The following IFT81 variants were observed in gnomAD, a reference collection of about 807,000 sequenced individuals.
IFT81 encodes the protein intraflagellar transport 81, also known as intraflagellar transport protein 81 homolog.
Under a neutral mutation model 102.6 loss-of-function variants are expected in IFT81, and 72 were observed. The ratio of observed to expected loss-of-function variants is 0.70; its 90% CI spans 0.58 to 0.85. The LOEUF is 0.85. IFT81 is among the 40% of genes least tolerant of loss of function. The probability of loss-of-function intolerance (pLI) is 0.00; values close to 1 mark genes in which losing one functional copy is unlikely to be tolerated. For synonymous variants in IFT81, 237 were observed against 242.7 expected, an observed-to-expected ratio of 0.98 and a Z score of 0.22; for missense variants, 723 against 787.3, an observed-to-expected ratio of 0.92 and a Z score of 0.98.
In IFT81 at chr12:110,169,455, A is replaced by T. The variant is rs1169712927; in HGVS notation, c.1188+6390A>T. 3.3e-5 allele frequency among the ~76,000 whole-genome samples: 5 copies of T among 152,094 alleles called. No individual in the cohort carries two copies. The East Asian group carries it at 9.6e-4, about 29-fold the overall frequency. On this transcript the variant is annotated intron_variant, in intron 11 of 18. Coordinates refer to ENST00000242591, the MANE Select transcript of IFT81 (RefSeq NM_014055.4). ...TCTTGGGGACCCCTGACACAGATGG[A>T]TTAGTGTTATTTTTTTTGTTTATGA... is the stretch of plus-strand genomic sequence containing the variant.
Position 110,146,912 on chromosome 12 carries a change from G to A in IFT81, c.946-41G>A. 4 of 1,565,622 alleles carry A rather than the reference G, an allele frequency of 2.6e-6. No individual in the cohort carries two copies. In the South Asian group the frequency reaches 4.7e-5, roughly 18 times the overall value. Reference sequence around the variant, plus strand: ...GTCACTTAGTTTGTGTACTTATAGGGAAAGTTTTAACTTTTTTTTTTTGCT... The same window carrying A: ...GTCACTTAGTTTGTGTACTTATAGGAAAAGTTTTAACTTTTTTTTTTTGCT... On this transcript the variant is annotated intron_variant, in intron 9 of 18. Coordinates refer to ENST00000242591, the MANE Select transcript of IFT81 (RefSeq NM_014055.4).
intron 18 of IFT81, among the ~76,000 whole-genome samples, chr12:110,212,242 T>TAAA (rs11286720): frequency 7.2e-6 from 1 of 139,766 alleles, no homozygotes; most frequent in Non-Finnish European, 1.6e-5. Flanking sequence ...TTCCTTACTT[T>TAAA]AAAAAAAAAA....
At chr12:110,215,243 T>C (rs1489443440) in intron 18 of IFT81, among the ~76,000 whole-genome samples, 1 of 151,818 alleles carries the variant, frequency 6.6e-6, no homozygotes, top group Non-Finnish European at 1.5e-5. Context: ...GTTGTTCCTT[T>C]GCACTCTGCC....
chr12:110,144,228 T>G (rs898360766), intron 9 of IFT81, among the ~76,000 whole-genome samples: 2 of 151,752 alleles, frequency 1.3e-5, no homozygotes, highest in African/African-American at 4.8e-5. Flanking sequence ...GTTTTTTGTT[T>G]TTTTTTGAGA....
At chr12:110,217,074 G>A (rs901233997) in intron 18 of IFT81, among the ~76,000 whole-genome samples, 9 of 152,052 alleles carry the variant, frequency 5.9e-5, no homozygotes, top group African/African-American at 1.9e-4. Context: ...AACTAGAAAG[G>A]CAAGCAGTTT....
At chr12:110,136,399 C>T (rs1200024963) in intron 7 of IFT81, among the ~76,000 whole-genome samples, 1 of 152,164 alleles carries the variant, frequency 6.6e-6, no homozygotes, top group African/African-American at 2.4e-5. Flanking sequence ...CGCCTAAGCC[C>T]TGAATGGTTA....
At chr12:110,135,866 GAAA>G (rs199705020) in intron 7 of IFT81, among the ~76,000 whole-genome samples, 12 of 107,584 alleles carry the variant, frequency 1.1e-4, no homozygotes, top group South Asian at 3.1e-4. Flanking sequence ...GACTTTGTCT[GAAA>G]AAAAAAAAAA....
At position 110,204,058 on chromosome 12, in the gene IFT81, A is replaced by C. The variant is rs1039108964; in HGVS notation, c.1644+108A>C. On this transcript the variant is annotated intron_variant, in intron 15 of 18. Coordinates refer to ENST00000242591, the MANE Select transcript of IFT81 (RefSeq NM_014055.4). The stretch of plus-strand genomic sequence containing the variant: ...AGCAGGAGGATTGCTTGAGCCTAGG[A>C]GTTTGAGGCTACAGTGAGCTATGAT... 13 of 688,110 alleles carry C rather than the reference A, an allele frequency of 1.9e-5. No individual in the cohort carries two copies. The Admixed American group carries it at 2.1e-4, about 11-fold the overall frequency. The allele number at this position is 688,110 out of a possible 1,614,324, so 42.6% of individuals were successfully genotyped here.
intron 10 of IFT81, among the ~76,000 whole-genome samples, chr12:110,160,143 C>T (rs1896060574): frequency 1.3e-5 from 2 of 152,054 alleles, no homozygotes; most frequent in African/African-American, 2.4e-5. Context: ...TCCTAATCAA[C>T]CATATATCCT....
chr12:110,156,535 C>T (rs905774481), intron 10 of IFT81, among the ~76,000 whole-genome samples: 3 of 151,296 alleles, frequency 2.0e-5, no homozygotes, highest in East Asian at 1.9e-4. Context: ...CTCACTTCAT[C>T]GCCCAGGATG....
chr12:110,179,769 T>TACAC (rs1299408451), intron 11 of IFT81, among the ~76,000 whole-genome samples: 79 of 65,270 alleles, frequency 1.2e-3, no homozygotes, highest in Middle Eastern at 8.3e-3. Context: ...TATATATATA[T>TACAC]ATATACACAC....
intron 14 of IFT81, among the ~76,000 whole-genome samples, chr12:110,193,505 C>T (rs1206953159): frequency 2.0e-5 from 3 of 152,148 alleles, no homozygotes. Flanking sequence ...CTAGTTCTAA[C>T]CACTGCTTTA....
At chr12:110,129,702 G>A (rs1043359934) in intron 4 of IFT81, among the ~76,000 whole-genome samples, 1 of 152,122 alleles carries the variant, frequency 6.6e-6, no homozygotes, top group African/African-American at 2.4e-5. Context: ...ATTGGGCTCT[G>A]GCATAAGGTC....
At chr12:110,176,743 C>T (rs2137499925) in intron 11 of IFT81, among the ~76,000 whole-genome samples, 1 of 152,288 alleles carries the variant, frequency 6.6e-6, no homozygotes, top group South Asian at 2.1e-4. Context: ...ATTGATCTGA[C>T]CCAGACTACT....
intron 10 of IFT81, among the ~76,000 whole-genome samples, chr12:110,152,328 C>A (rs934938658): frequency 6.6e-6 from 1 of 152,116 alleles, no homozygotes; most frequent in African/African-American, 2.4e-5. Flanking sequence ...TATCTTGTGT[C>A]ATTTTGATAG....
chr12:110,193,253 A>G (rs1897872809), intron 14 of IFT81, among the ~76,000 whole-genome samples: 1 of 152,164 alleles, frequency 6.6e-6, no homozygotes, highest in East Asian at 1.9e-4. Flanking sequence ...GAGGAGATGG[A>G]GAAAAAGCAG....
chr12:110,132,767 T>G (rs1429067982), intron 5 of IFT81, 131 bp downstream of exon 5: 5 of 517,936 alleles, frequency 9.7e-6, no homozygotes, highest in Non-Finnish European at 1.8e-5. Flanking sequence ...TTTTACTTTG[T>G]GGGGGGACCT....
intron 10 of IFT81, among the ~76,000 whole-genome samples, chr12:110,152,611 A>ATTTTTT (rs552972445): frequency 6.9e-6 from 1 of 144,454 alleles, no homozygotes; most frequent in Non-Finnish European, 1.5e-5. Context: ...TATATTCTGG[A>ATTTTTT]TTTTTTTTTT....
chr12:110,164,950 G>A (rs903433218), intron 11 of IFT81, among the ~76,000 whole-genome samples: 7 of 152,024 alleles, frequency 4.6e-5, no homozygotes, highest in Non-Finnish European at 7.4e-5. Context: ...TGTTATGGCC[G>A]TATTTGGCAT....
Sources: allele counts gnomAD v4.1 joint callset (sites outside exome capture counted in the v4.1 genomes callset), GRCh38; gene constraint gnomAD v4.1.1; transcripts MANE v1.5; gene names NCBI Gene and HGNC (gene_info 2026-07-23, HGNC 2026-07-21).